Variants in EPAS1 observed in about 807,000 individuals in gnomAD.
EPAS1 encodes endothelial PAS domain-containing protein 1.
Under a neutral mutation model 87.9 loss-of-function variants are expected in EPAS1, and 23 were observed. That is an observed-to-expected ratio of 0.26 (90% CI 0.19 to 0.37). The LOEUF is 0.37. EPAS1 is among the 10% of genes least tolerant of loss of function. EPAS1 has a pLI of 1.00. For synonymous variants in EPAS1, 508 were observed against 444.3 expected (o/e 1.14, Z -1.80); for missense variants, 1,138 against 1,120.7 (o/e 1.02, Z -0.22).
chr2:46,314,486 C>T (rs1045520348), intron 1 of EPAS1, among the ~76,000 whole-genome samples: 4 of 152,330 alleles, frequency 2.6e-5, no homozygotes, highest in Middle Eastern at 3.4e-3. Context: ...TTCAGGAAAA[C>T]GTCCTGTTTG....
intron 1 of EPAS1, among the ~76,000 whole-genome samples, chr2:46,304,096 TCAAA>T (rs1364373751): frequency 6.6e-6 from 1 of 152,260 alleles, no homozygotes; most frequent in African/African-American, 2.4e-5. Context: ...TCCATCATCC[TCAAA>T]CAGTTATTTG....
chr2:46,352,863 G>T (rs1249338740), intron 2 of EPAS1, among the ~76,000 whole-genome samples: 2 of 152,182 alleles, frequency 1.3e-5, no homozygotes, highest in East Asian at 1.9e-4. Flanking sequence ...CCTCCCGGAG[G>T]CCAGCTGACC....
In EPAS1 at chr2:46,385,111, C is replaced by G. The variant is rs115634624; in HGVS notation, c.*451C>G. ...AACAAAAATGATTTTGCTTTCCAAG[C>G]TTGGTTTGTGGCGTCTCCCTCGCAG... On this transcript the variant is annotated 3_prime_UTR_variant, in exon 16 of 16. Coordinates refer to ENST00000263734, the MANE Select transcript of EPAS1 (RefSeq NM_001430.5). The G allele has an allele frequency of 5.6e-6, 1 of 179,584 alleles. No homozygotes were observed. The highest frequency in any genetic ancestry group is 1.2e-5 in the Non-Finnish European group (1 of 83,274). The allele number at this position is 179,584 out of a possible 1,614,324, so 11.1% of individuals were successfully genotyped here.
chr2:46,360,952 A>G lies in EPAS1; in HGVS notation c.641A>G (p.Tyr214Cys). The change falls in exon 6 of 16, where the codon TAC becomes TGC. Residue 214 changes from tyrosine (Y) to cysteine (C), a missense_variant. Coordinates refer to ENST00000263734, the MANE Select transcript of EPAS1 (RefSeq NM_001430.5). This position sits in a 1 kb window ranked among gnomAD's most constrained non-coding sequence, Gnocchi z 4.5. ...NCPPHNSLCG[Y>C]KEPLLSCLII... ...CCTCCTCACAATAGTCTGTGTGGCT[A>G]CAAGGAGCCCCTGCTGTCCTGCCTC... 3 of 1,614,180 alleles carry G rather than the reference A, an allele frequency of 1.9e-6. No homozygotes were observed. Among genetic ancestry groups the G allele is most frequent in the Non-Finnish European group, 1.7e-6 (2 of 1,180,018 alleles).
At chr2:46,356,830 TC>T in intron 4 of EPAS1, 22 bp downstream of exon 4, 1 of 1,570,756 alleles carries the variant, frequency 6.4e-7, no homozygotes, top group African/African-American at 1.3e-5. Context: ...TGTGTTTACT[TC>T]CTTCTTGCCC....
At chr2:46,359,239 C>G (rs1684335409) in intron 4 of EPAS1, among the ~76,000 whole-genome samples, 1 of 89,448 alleles carries the variant, frequency 1.1e-5, no homozygotes, top group Non-Finnish European at 2.0e-5. Flanking sequence ...AGCCTGGCGA[C>G]AGAGCAAGAT....
At chr2:46,328,902 C>T (rs1475462498) in intron 1 of EPAS1, among the ~76,000 whole-genome samples, 1 of 152,214 alleles carries the variant, frequency 6.6e-6, no homozygotes, top group Admixed American at 6.5e-5. Flanking sequence ...TTGTCTCATT[C>T]CCTGTTCCCT....
In EPAS1 at chr2:46,346,618, C is replaced by T. The variant is rs1339068954; in HGVS notation, c.27-255C>T. Among the ~76,000 whole-genome samples, 1 of 152,208 alleles carries T rather than the reference C, an allele frequency of 6.6e-6. No homozygotes were observed. The highest frequency in any genetic ancestry group is 1.9e-4 in the East Asian group (1 of 5,200). On this transcript the variant is annotated intron_variant, in intron 1 of 15. Transcript: ENST00000263734. This position sits in a 1 kb window ranked among gnomAD's most constrained non-coding sequence, Gnocchi z 4.0. Reference sequence around the variant, plus strand: ...CAGCCAGTCTTTGCCCAGACTCCACCCATGTGAAGCCCTGTTCTGGCCTCC... The same window carrying T: ...CAGCCAGTCTTTGCCCAGACTCCACTCATGTGAAGCCCTGTTCTGGCCTCC...
intron 1 of EPAS1, among the ~76,000 whole-genome samples, chr2:46,313,775 A>G (rs1291220401): frequency 2.6e-5 from 4 of 152,164 alleles, no homozygotes; most frequent in African/African-American, 4.8e-5. Flanking sequence ...TTATTTGCTT[A>G]TCATCTGTCA....
rs1195181013 is a variant in EPAS1 at position 46,386,023 on chromosome 2, C to T, written c.*1363C>T. ...GGAGAGCAGCTGGTCCAGACCAGCC[C>T]TGCAGCCCCCACTCAGCCGGCAGCC... On this transcript the variant is annotated 3_prime_UTR_variant, in exon 16 of 16. Transcript: ENST00000263734. 6.5e-6 allele frequency: 1 copy of T among 152,710 alleles called. No homozygotes were observed. Among genetic ancestry groups the T allele is most frequent in the Non-Finnish European group, 1.5e-5 (1 of 68,110 alleles). 9.5% of individuals were successfully genotyped at this position (152,710 alleles called of 1,614,324 possible).
chr2:46,350,139 A>G (rs1282124336), intron 2 of EPAS1, among the ~76,000 whole-genome samples: 1 of 152,224 alleles, frequency 6.6e-6, no homozygotes, highest in African/African-American at 2.4e-5. Flanking sequence ...CTTCTGGAGA[A>G]ATGATGTAAA....
chr2:46,356,667 T>G (rs976749570), intron 3 of EPAS1, 57 bp from the exon 4 acceptor site: 1 of 1,373,248 alleles, frequency 7.3e-7, no homozygotes, highest in African/African-American at 1.4e-5. Flanking sequence ...AGCTTACTCT[T>G]GGAGTCTTTT....
chr2:46,360,135 A>G lies in EPAS1; in HGVS notation c.455-503A>G, dbSNP rs1684357756. On this transcript the variant is annotated intron_variant, in intron 4 of 15. Coordinates refer to ENST00000263734, the MANE Select transcript of EPAS1 (RefSeq NM_001430.5). The surrounding 1 kb of genome is among the most constrained non-coding windows in gnomAD (Gnocchi z 4.5). ...AGCTATTGCAGTTTGCAAATGGGGT[A>G]CAGGAGGGGTTAAATTCCTCCTGAG... Among the ~76,000 whole-genome samples, 1 of 152,216 alleles carries G rather than the reference A, an allele frequency of 6.6e-6. No homozygotes were observed. The highest frequency in any genetic ancestry group is 2.4e-5 in the African/African-American group (1 of 41,462).
At chr2:46,367,351 G>C (rs1314972920) in intron 6 of EPAS1, among the ~76,000 whole-genome samples, 1 of 152,228 alleles carries the variant, frequency 6.6e-6, no homozygotes, top group Non-Finnish European at 1.5e-5. Flanking sequence ...GAAAATTCTA[G>C]ACCTGCCCAG....
At chr2:46,377,801 C>T (rs1684789650) in intron 9 of EPAS1, 93 bp from the exon 10 acceptor site, 2 of 1,550,240 alleles carry the variant, frequency 1.3e-6, no homozygotes, top group East Asian at 4.9e-5. Flanking sequence ...TCCAGACCCT[C>T]TTAGGGCCTT....
At chr2:46,310,961 C>T (rs1045475646) in intron 1 of EPAS1, among the ~76,000 whole-genome samples, 3 of 152,212 alleles carry the variant, frequency 2.0e-5, no homozygotes, top group Admixed American at 6.5e-5. Context: ...ACTGCAAGCT[C>T]TGCCTCCCAG....
chr2:46,355,914 G>A (rs1684259589), intron 2 of EPAS1, among the ~76,000 whole-genome samples: 1 of 152,208 alleles, frequency 6.6e-6, no homozygotes, highest in South Asian at 2.1e-4. Context: ...CATTACTAGT[G>A]CCAGAAGTAC....
chr2:46,309,817 T>C (rs775401502), intron 1 of EPAS1, among the ~76,000 whole-genome samples: 31 of 152,012 alleles, frequency 2.0e-4, no homozygotes, highest in Non-Finnish European at 4.0e-4. Flanking sequence ...TCCTGAGTCA[T>C]GTTGTGATGG....
At chr2:46,341,127 C>A (rs1257116104) in intron 1 of EPAS1, among the ~76,000 whole-genome samples, 9 of 152,232 alleles carry the variant, frequency 5.9e-5, no homozygotes, top group Non-Finnish European at 1.3e-4. Flanking sequence ...AGAACACTGA[C>A]CACTGGAACA....
Sources: allele counts gnomAD v4.1 joint callset (sites outside exome capture counted in the v4.1 genomes callset), GRCh38; gene constraint gnomAD v4.1.1; non-coding constraint Gnocchi (gnomAD v3.1); transcripts MANE v1.5; gene names NCBI Gene and HGNC (gene_info 2026-07-23, HGNC 2026-07-21).